Variants in SYNPR observed in about 807,000 individuals in gnomAD.
SYNPR encodes synaptoporin.
In SYNPR, 23 loss-of-function variants were observed where a neutral mutation model predicts 32.9. The observed-to-expected ratio is 0.70, with a 90% CI of 0.50 to 0.99. The LOEUF is 0.99. SYNPR is among the 50% of genes least tolerant of loss of function. The pLI, the probability that SYNPR is intolerant of heterozygous loss-of-function variation, is 0.00. For missense variants in SYNPR, 318 were observed against 349.3 expected (o/e 0.91, Z 0.71); for synonymous variants, 146 against 135.9 (o/e 1.07, Z -0.52).
At chr3:63,333,125 T>C (rs975441204) in intron 2 of SYNPR, among the ~76,000 whole-genome samples, 1 of 151,932 alleles carries the variant, frequency 6.6e-6, no homozygotes, top group South Asian at 2.1e-4. Context: ...AGGTTTTTTT[T>C]CTTAAATTTT....
intron 3 of SYNPR, among the ~76,000 whole-genome samples, chr3:63,495,639 A>G (rs1701357047): frequency 6.6e-6 from 1 of 152,132 alleles, no homozygotes; most frequent in Admixed American, 6.6e-5. Context: ...TCTGTTGTTT[A>G]AGTTAAATTT....
rs6769982 is a variant in SYNPR at position 63,439,720 on chromosome 3, C to A, written c.85-41112C>A. Among the ~76,000 whole-genome samples, 1,466 of 152,278 alleles carry A rather than the reference C, an allele frequency of 9.6e-3. 24 individuals are homozygous for A. Among genetic ancestry groups the A allele is most frequent in the African/African-American group, 0.033 (1,391 of 41,556 alleles). ...AAATTTGCAACCCTTCCAGAATGTT[C>A]TTTGAATGAAGAGGTAAAAATAATC... On this transcript the variant is annotated intron_variant, in intron 2 of 5. Transcript: ENST00000478300.
chr3:63,232,693 C>G (rs1006571486), intron 1 of SYNPR, among the ~76,000 whole-genome samples: 1 of 152,146 alleles, frequency 6.6e-6, no homozygotes, highest in Non-Finnish European at 1.5e-5. Context: ...AGCTACCTCT[C>G]AGAGCTCATG....
intron 3 of SYNPR, among the ~76,000 whole-genome samples, chr3:63,516,880 G>T (rs781015610): frequency 1.5e-4 from 23 of 152,058 alleles, no homozygotes; most frequent in Non-Finnish European, 2.6e-4. Context: ...TAGAATCCTT[G>T]ATGTATTATT....
Position 63,374,128 on chromosome 3 carries a change from G to A in SYNPR, c.84+95386G>A, listed in dbSNP as rs145503404. 4.6e-5 allele frequency among the ~76,000 whole-genome samples: 7 copies of A among 152,268 alleles called. No homozygotes were observed. In the East Asian group the frequency reaches 1.2e-3, roughly 25 times the overall value. ...AATACCAGCCACTACAATTTTCAAG[G>A]GGAATGCTTCCAGCTTTTGCCCATT... On this transcript the variant is annotated intron_variant, in intron 2 of 5. Transcript: ENST00000478300.
At chr3:63,389,574 A>C (rs142863494) in intron 2 of SYNPR, among the ~76,000 whole-genome samples, 2 of 152,308 alleles carry the variant, frequency 1.3e-5, no homozygotes, top group Non-Finnish European at 2.9e-5. Flanking sequence ...CAGGTAAGGT[A>C]TCTGCATTGA....
chr3:63,269,250 A>C (rs868604034), intron 3 of SYNPR, among the ~76,000 whole-genome samples: 1 of 152,198 alleles, frequency 6.6e-6, no homozygotes, highest in South Asian at 2.1e-4. Flanking sequence ...GCACTTTGGG[A>C]GGCCAAGGTG....
At chr3:63,408,245 GAA>G (rs2088400095) in intron 2 of SYNPR, among the ~76,000 whole-genome samples, 1 of 114,694 alleles carries the variant, frequency 8.7e-6, no homozygotes, top group South Asian at 3.0e-4. Flanking sequence ...AAGAAAGAAA[GAA>G]AGAAAGAAAG....
intron 2 of SYNPR, among the ~76,000 whole-genome samples, chr3:63,449,587 C>T (rs191528904): frequency 1.1e-4 from 16 of 152,266 alleles, no homozygotes; most frequent in South Asian, 2.1e-4. Context: ...GAGAACAGTA[C>T]AGGAAACGCA....
chr3:63,285,707 T>G (rs2106923971), intron 2 of SYNPR, among the ~76,000 whole-genome samples: 1 of 152,274 alleles, frequency 6.6e-6, no homozygotes, highest in South Asian at 2.1e-4. Context: ...GAGAAAAGGG[T>G]CAGGAATGCT....
chr3:63,448,633 A>G (rs1472323471), intron 2 of SYNPR, among the ~76,000 whole-genome samples: 2 of 152,160 alleles, frequency 1.3e-5, no homozygotes, highest in African/African-American at 4.8e-5. Flanking sequence ...AATTGGGGGA[A>G]GATTTTAGAA....
At chr3:63,286,499 A>G (rs551004206) in intron 2 of SYNPR, among the ~76,000 whole-genome samples, 8 of 152,188 alleles carry the variant, frequency 5.3e-5, no homozygotes, top group African/African-American at 1.9e-4. Flanking sequence ...GAAACTGGGG[A>G]AAACCCTGGA....
At position 63,257,237 on chromosome 3, in the gene SYNPR, G is replaced by A. The variant is rs547026802; in HGVS notation, n.154+4651G>A. Among the ~76,000 whole-genome samples the A allele has an allele frequency of 3.9e-5, 6 of 152,150 alleles. No homozygotes were observed. The South Asian group carries it at 6.2e-4, about 16-fold the overall frequency. ...AGAGAATGCCACAAAGATACTCCTC[G>A]AGAAGAGTAACTCCAAGACACATAA... On this transcript the variant is annotated intron_variant and non_coding_transcript_variant, in intron 2 of 4. Transcript: ENST00000478456.
At chr3:63,301,974 A>T (rs531085862) in intron 2 of SYNPR, among the ~76,000 whole-genome samples, 1 of 152,064 alleles carries the variant, frequency 6.6e-6, no homozygotes, top group Non-Finnish European at 1.5e-5. Flanking sequence ...CTGCAATTCC[A>T]TTACCTAAAA....
chr3:63,283,517 T>C (rs9846545), intron 2 of SYNPR, among the ~76,000 whole-genome samples: 10,398 of 151,260 alleles, frequency 0.069, 410 homozygotes, highest in Middle Eastern at 0.099. Context: ...CAGCAAATCT[T>C]TTAAACCATC....
chr3:63,468,130 G>T (rs1489203521), intron 2 of SYNPR, among the ~76,000 whole-genome samples: 2 of 149,364 alleles, frequency 1.3e-5, no homozygotes, highest in Non-Finnish European at 3.0e-5. Flanking sequence ...GGAGGTGGAG[G>T]TTGCAGTGAG....
chr3:63,210,399 G>A, the SYNPR span, among the ~76,000 whole-genome samples: 4 of 152,220 alleles, frequency 2.6e-5, no homozygotes, highest in African/African-American at 9.6e-5. Flanking sequence ...CCATCTAACT[G>A]AAATAGATTG....
At chr3:63,265,765 G>GTGGGC (rs1340860072) in intron 2 of SYNPR, among the ~76,000 whole-genome samples, 3 of 152,174 alleles carry the variant, frequency 2.0e-5, no homozygotes, top group African/African-American at 7.2e-5. Flanking sequence ...CACATTCCAT[G>GTGGGC]TGGGCTGTGA....
chr3:63,352,136 G>C (rs1268836164), intron 2 of SYNPR, among the ~76,000 whole-genome samples: 1 of 152,136 alleles, frequency 6.6e-6, no homozygotes, highest in East Asian at 1.9e-4. Flanking sequence ...AGTAAAGCTG[G>C]GGTGTGGTGT....
Sources: allele counts gnomAD v4.1 joint callset (sites outside exome capture counted in the v4.1 genomes callset), GRCh38; gene constraint gnomAD v4.1.1; transcripts MANE v1.5; gene names NCBI Gene and HGNC (gene_info 2026-07-23, HGNC 2026-07-21).